The following FRAS1 variants were observed in gnomAD, a reference collection of about 807,000 sequenced individuals.
FRAS1 encodes Fraser extracellular matrix complex subunit 1, also known as extracellular matrix organizing protein FRAS1.
Under a neutral mutation model 435.2 loss-of-function variants are expected in FRAS1, and 290 were observed. The ratio of observed to expected loss-of-function variants is 0.67; its 90% CI spans 0.61 to 0.73. FRAS1 has a LOEUF of 0.73. Ranked by LOEUF, FRAS1 falls within the 30% of genes least tolerant of loss-of-function variation. The probability of loss-of-function intolerance (pLI) is 0.00; values close to 1 mark genes in which losing one functional copy is unlikely to be tolerated. For synonymous variants in FRAS1, 1,800 were observed against 1,851.0 expected, an observed-to-expected ratio of 0.97 and a Z score of 0.71; for missense variants, 4,860 against 5,001.5, an observed-to-expected ratio of 0.97 and a Z score of 0.85.
At chr4:78,361,914 C>T (rs1452736740) in intron 20 of FRAS1, among the ~76,000 whole-genome samples, 7 of 152,020 alleles carry the variant, frequency 4.6e-5, no homozygotes, top group African/African-American at 1.5e-4. Flanking sequence ...AATTGAGATT[C>T]GTGGGTTTTC....
chr4:78,091,978 C>CA (rs34804542), intron 2 of FRAS1, among the ~76,000 whole-genome samples: 59,471 of 83,704 alleles, frequency 0.71, 22,604 homozygotes, highest in East Asian at 0.86. Context: ...GAGACTGTCT[C>CA]AAAAAAAAAA....
chr4:78,252,469 A>G lies in FRAS1; in HGVS notation c.387A>G (p.Pro129=). The change falls in exon 5 of 74, where the codon CCA becomes CCG. Residue 129 remains proline (P), a synonymous_variant. Transcript: ENST00000512123. The part of the protein sequence containing the change: ...NHGEVRCTPQ[P]CPPLSCGHQE... ...GGGAAGTCCGATGTACCCCCCAACC[A>G]TGCCCACCGCTGTCATGTGGACACC... 1.2e-6 allele frequency: 2 copies of G among 1,613,338 alleles called. No homozygotes were observed. The highest frequency in any genetic ancestry group is 1.7e-6 in the Non-Finnish European group (2 of 1,179,748).
chr4:78,111,423 TA>T (rs1742684502), intron 2 of FRAS1, among the ~76,000 whole-genome samples: 1 of 7,892 alleles, frequency 1.3e-4, no homozygotes, highest in African/African-American at 5.6e-4. Context: ...TATGCAGCCA[TA>T]AAAAATGATG....
chr4:78,311,507 A>C (rs1729021728), intron 15 of FRAS1, among the ~76,000 whole-genome samples: 1 of 152,106 alleles, frequency 6.6e-6, no homozygotes, highest in African/African-American at 2.4e-5. Context: ...CTCCATCTGC[A>C]TCACTAGAGA....
In FRAS1 at chr4:78,537,170, C is replaced by T. The variant is rs1415748307; in HGVS notation, c.11268C>T (p.Asn3756=). ...CCCAGTATGGATGCATTCAGCCAAA[C>T]AAACACCTAAAACACAGATTCCTGC... ...EGPQYGCIQP[N]KHLKHRFLLL... The change falls in exon 72 of 74, where the codon AAC becomes AAT. Residue 3756 remains asparagine, a synonymous_variant. Coordinates refer to ENST00000512123, the MANE Select transcript of FRAS1 (RefSeq NM_025074.7). 1 of 1,613,996 alleles carries T rather than the reference C, an allele frequency of 6.2e-7. No homozygotes were observed. Among genetic ancestry groups the T allele is most frequent in the Non-Finnish European group, 8.5e-7 (1 of 1,179,876 alleles).
chr4:78,495,074 A>G (rs1183337303), intron 59 of FRAS1, among the ~76,000 whole-genome samples: 1 of 152,104 alleles, frequency 6.6e-6, no homozygotes, highest in East Asian at 1.9e-4. Context: ...TAATTCTCTA[A>G]TTACTAATCT....
At chr4:78,079,013 T>C (rs954400036) in intron 2 of FRAS1, among the ~76,000 whole-genome samples, 8 of 152,180 alleles carry the variant, frequency 5.3e-5, no homozygotes, top group African/African-American at 1.9e-4. Context: ...TACCTAAATG[T>C]CTCTATTAGA....
chr4:78,094,316 G>T (rs1347977433), intron 2 of FRAS1, among the ~76,000 whole-genome samples: 1 of 151,876 alleles, frequency 6.6e-6, no homozygotes, highest in African/African-American at 2.4e-5. Context: ...TAAATATTTT[G>T]ATTGTTTGAA....
chr4:78,480,179 A>G (rs1719969253), intron 56 of FRAS1, among the ~76,000 whole-genome samples: 1 of 152,094 alleles, frequency 6.6e-6, no homozygotes, highest in Admixed American at 6.6e-5. Flanking sequence ...TCTTCTTTCT[A>G]AGTATTTTGT....
chr4:78,480,212 TC>T (rs1719970283), intron 56 of FRAS1, among the ~76,000 whole-genome samples: 1 of 151,976 alleles, frequency 6.6e-6, no homozygotes, highest in Non-Finnish European at 1.5e-5. Context: ...CATGCCCACT[TC>T]CCCCCTCCAC....
chr4:78,211,929 T>C lies in FRAS1; in HGVS notation c.109-25581T>C, dbSNP rs562707904. Among the ~76,000 whole-genome samples, 12 of 152,348 alleles carry C rather than the reference T, an allele frequency of 7.9e-5. 2 individuals are homozygous for C. The highest frequency in any genetic ancestry group is 2.9e-4 in the African/African-American group (12 of 41,580). ...CAAAGTTTGCCTATTGTAGATATTTTAGAAATGGAATCATACAAGATCTGC... is the reference window on the plus strand; with the variant it reads ...CAAAGTTTGCCTATTGTAGATATTTCAGAAATGGAATCATACAAGATCTGC... On this transcript the variant is annotated intron_variant, in intron 2 of 73. Coordinates refer to ENST00000512123, the MANE Select transcript of FRAS1 (RefSeq NM_025074.7).
At chr4:78,271,664 A>C (rs575779573) in intron 9 of FRAS1, among the ~76,000 whole-genome samples, 1 of 152,284 alleles carries the variant, frequency 6.6e-6, no homozygotes, top group Admixed American at 6.5e-5. Flanking sequence ...TTATGGCTGC[A>C]TAGTATTCCA....
At chr4:78,505,431 A>T (rs1324817728) in intron 61 of FRAS1, among the ~76,000 whole-genome samples, 2 of 152,022 alleles carry the variant, frequency 1.3e-5, no homozygotes, top group Non-Finnish European at 2.9e-5. Flanking sequence ...ATTTCTTTTT[A>T]TTCTTTTTTT....
At chr4:78,201,677 TA>T (rs1309308047) in intron 2 of FRAS1, among the ~76,000 whole-genome samples, 1 of 152,172 alleles carries the variant, frequency 6.6e-6, no homozygotes, top group Non-Finnish European at 1.5e-5. Context: ...AAAGACAAAA[TA>T]AAGTTAGTTT....
chr4:78,369,743 G>T, intron 22 of FRAS1, 95 bp from the exon 23 acceptor site: 1 of 1,126,086 alleles, frequency 8.9e-7, no homozygotes, highest in East Asian at 2.6e-5. Context: ...GTTGGAACAA[G>T]GCTTTGTTCC....
At chr4:78,276,588 C>G (rs1727053262) in intron 9 of FRAS1, among the ~76,000 whole-genome samples, 1 of 152,196 alleles carries the variant, frequency 6.6e-6, no homozygotes. Context: ...CACTCTAGAC[C>G]CTGTTTGCCT....
chr4:78,379,538 T>C (rs1289377661), intron 26 of FRAS1, 188 bp from the exon 27 acceptor site: 4 of 601,482 alleles, frequency 6.7e-6, no homozygotes, highest in Non-Finnish European at 8.5e-6. Context: ...TTGTGGTCTT[T>C]TGTAACAATG....
rs1231665852 is a variant in FRAS1, at chr4:78,286,543, A to G, written c.1534+4A>G. ...CAAGATCGCCATTCCTGTGCAGGTA[A>G]TCTCTGGCTGGGCCACAGTTGGGCC... On this transcript the variant is annotated splice_donor_region_variant and intron_variant, in intron 14 of 73. Transcript: ENST00000512123. 8 of 1,610,780 alleles carry G rather than the reference A, an allele frequency of 5.0e-6. No individual in the cohort carries two copies. Among genetic ancestry groups the G allele is most frequent in the Non-Finnish European group, 5.9e-6 (7 of 1,179,004 alleles).
At position 78,317,426 on chromosome 4, in the gene FRAS1, C is replaced by A; in HGVS notation, c.1878C>A (p.Cys626Ter). The part of the protein sequence containing the change: ...SGPTPSHCTA[C>*]SPPKALRQGH... ...CCACACCCTCTCACTGTACAGCCTG[C>A]AGCCCCCCCAAGGCTCTGCGTCAAG... The change falls in exon 17 of 74, where the codon TGC becomes TGA. Residue 626 changes from cysteine (C) to a stop codon, truncating the protein, a stop_gained. Transcript: ENST00000512123. LOFTEE classifies it high-confidence loss of function. The A allele has an allele frequency of 1.2e-6, 2 of 1,613,836 alleles. No homozygotes were observed. The highest frequency in any genetic ancestry group is 1.3e-5 in the African/African-American group (1 of 75,048).
Sources: gnomAD v4.1 joint callset for allele counts (sites outside exome capture counted in the v4.1 genomes callset) on GRCh38, gnomAD v4.1.1 for gene constraint, MANE v1.5 for transcripts, NCBI Gene and HGNC (gene_info 2026-07-23, HGNC 2026-07-21) for gene names.